Variants in DCAF5 observed in about 807,000 individuals in gnomAD.
The protein encoded by DCAF5 is DDB1 and CUL4 associated factor 5, also known as DDB1- and CUL4-associated factor 5.
A neutral mutation model predicts 80.7 loss-of-function variants in DCAF5; 9 were observed. The ratio of observed to expected loss-of-function variants is 0.11; its 90% CI spans 0.07 to 0.19. The LOEUF is 0.19. Ranked by LOEUF, DCAF5 falls within the 10% of genes least tolerant of loss-of-function variation. DCAF5 has a pLI of 1.00. For synonymous variants in DCAF5, 433 were observed against 461.9 expected (o/e 0.94, Z 0.80); for missense variants, 842 against 1,205.7 (o/e 0.70, Z 4.47).
chr14:69,086,717 T>C (rs1016368749), intron 6 of DCAF5, among the ~76,000 whole-genome samples: 4 of 151,700 alleles, frequency 2.6e-5, no homozygotes, highest in Non-Finnish European at 5.9e-5. Context: ...TATACCCATA[T>C]AGTGTCAACC....
At chr14:69,148,066 T>C (rs1595073567) in intron 1 of DCAF5, among the ~76,000 whole-genome samples, 1 of 131,626 alleles carries the variant, frequency 7.6e-6, no homozygotes, top group Non-Finnish European at 1.5e-5. Context: ...TGATTGGTCA[T>C]CCAATCAGAG....
chr14:69,130,942 A>G (rs1258590897), intron 1 of DCAF5, among the ~76,000 whole-genome samples: 2 of 152,230 alleles, frequency 1.3e-5, no homozygotes, highest in African/African-American at 4.8e-5. Flanking sequence ...TGGAGAAAAT[A>G]CCAACTATTT....
chr14:69,088,095 G>A (rs1372444898), intron 6 of DCAF5, among the ~76,000 whole-genome samples: 1 of 152,182 alleles, frequency 6.6e-6, no homozygotes, highest in Non-Finnish European at 1.5e-5. Flanking sequence ...ACAGAAGCTG[G>A]CCCATTTAGA....
chr14:69,076,732 T>C (rs1045267960), intron 6 of DCAF5, among the ~76,000 whole-genome samples: 2 of 152,222 alleles, frequency 1.3e-5, no homozygotes, highest in African/African-American at 2.4e-5. Context: ...TGATTGTACT[T>C]AATGCCACTG....
rs1344952325 is a variant in DCAF5, at chr14:69,152,461, G to A, written c.214+304C>T. On this transcript the variant is annotated intron_variant, in intron 1 of 8. Transcript: ENST00000341516. This position sits in a 1 kb window ranked among gnomAD's most constrained non-coding sequence, Gnocchi z 4.1. ...AGTTTGCCGTCAAACTTTGTAGAGCGGTAACCTCGCCCCCCTCCCCGACCT... is the reference window on the plus strand; with the variant it reads ...AGTTTGCCGTCAAACTTTGTAGAGCAGTAACCTCGCCCCCCTCCCCGACCT... 6.9e-6 allele frequency: 2 copies of A among 289,194 alleles called. No homozygotes were observed. The highest frequency in any genetic ancestry group is 1.3e-5 in the Non-Finnish European group (2 of 154,034). The allele number at this position is 289,194 out of a possible 1,614,324, so 17.9% of individuals were successfully genotyped here.
chr14:69,084,146 C>G (rs576411235), intron 6 of DCAF5: 87 of 861,092 alleles, frequency 1.0e-4, no homozygotes, highest in South Asian at 7.4e-4. Flanking sequence ...GGTCCTTATT[C>G]TCTCACCTAC....
intron 1 of DCAF5, among the ~76,000 whole-genome samples, chr14:69,130,186 C>CCAGCCAAGCA (rs1356316805): frequency 3.3e-5 from 5 of 152,272 alleles, no homozygotes; most frequent in African/African-American, 1.2e-4. Flanking sequence ...TCCTCAAAAG[C>CCAGCCAAGCA]CAGCCAAGCA....
At chr14:69,142,952 G>A (rs185960271) in intron 1 of DCAF5, among the ~76,000 whole-genome samples, 111 of 152,328 alleles carry the variant, frequency 7.3e-4, no homozygotes, top group Non-Finnish European at 4.3e-4. Flanking sequence ...GACTAAAGTA[G>A]GGAGTTAAAC....
chr14:69,112,582 G>A (rs1189579771), intron 5 of DCAF5, among the ~76,000 whole-genome samples: 3 of 114,466 alleles, frequency 2.6e-5, no homozygotes, highest in African/African-American at 1.2e-4. Context: ...GGGGAAGGAT[G>A]ATATATATGT....
intron 1 of DCAF5, among the ~76,000 whole-genome samples, chr14:69,139,839 AAG>A (rs2041308912): frequency 6.6e-6 from 1 of 150,996 alleles, no homozygotes; most frequent in African/African-American, 2.4e-5. Context: ...AAAAAAAAAA[AAG>A]AAAGAAAAGG....
intron 1 of DCAF5, among the ~76,000 whole-genome samples, chr14:69,143,014 A>G (rs1284911341): frequency 6.6e-6 from 1 of 152,186 alleles, no homozygotes. Context: ...AGTGTGAGGA[A>G]GAAGGAGACT....
rs1007363519 is a variant in DCAF5 at position 69,051,784 on chromosome 14, T to C, written c.*2073A>G. On this transcript the variant is annotated 3_prime_UTR_variant, in exon 9 of 9. Coordinates refer to ENST00000341516, the MANE Select transcript of DCAF5 (RefSeq NM_003861.3). ...TAAGTACTTATTAAAATAAAATAAA[T>C]AGAATAGAATAAAATAAAGGACTGG... 1.5e-4 allele frequency: 23 copies of C among 152,232 alleles called. No homozygotes were observed. The highest frequency in any genetic ancestry group is 5.6e-4 in the African/African-American group (23 of 41,302). 9.4% of individuals were successfully genotyped at this position (152,232 alleles called of 1,614,324 possible).
At position 69,051,626 on chromosome 14, in the gene DCAF5, G is replaced by C. The variant is rs767266756; in HGVS notation, c.*2231C>G. 5.9e-5 allele frequency: 9 copies of C among 152,282 alleles called. No individual in the cohort carries two copies. In the South Asian group the frequency reaches 8.3e-4, roughly 14 times the overall value. 9.4% of individuals were successfully genotyped at this position (152,282 alleles called of 1,614,324 possible). ...TTTTGAGTACCCAAATGAGATTAAGGCTTTTAACATGAAAAGACCAAGTTC... is the reference window on the plus strand; with the variant it reads ...TTTTGAGTACCCAAATGAGATTAAGCCTTTTAACATGAAAAGACCAAGTTC... On this transcript the variant is annotated 3_prime_UTR_variant, in exon 9 of 9. Transcript: ENST00000341516.
intron 1 of DCAF5, among the ~76,000 whole-genome samples, chr14:69,142,932 C>T (rs1246440313): frequency 6.6e-6 from 1 of 152,188 alleles, no homozygotes; most frequent in East Asian, 1.9e-4. Flanking sequence ...AGTATACCTA[C>T]TCCTAATCAG....
chr14:69,131,720 T>C (rs1380914581), intron 1 of DCAF5, among the ~76,000 whole-genome samples: 1 of 151,730 alleles, frequency 6.6e-6, no homozygotes, highest in East Asian at 1.9e-4. Context: ...ATGAGGAATG[T>C]TCTGGAGCTT....
chr14:69,075,838 C>A (rs1336713006), intron 6 of DCAF5, among the ~76,000 whole-genome samples: 2 of 152,012 alleles, frequency 1.3e-5, no homozygotes, highest in Non-Finnish European at 2.9e-5. Flanking sequence ...TTTAAATAAA[C>A]AAGATAAATG....
rs2040610648 is a variant in DCAF5, at chr14:69,118,569, T to G, written c.396-291A>C. On this transcript the variant is annotated intron_variant, in intron 3 of 8. Coordinates refer to ENST00000341516, the MANE Select transcript of DCAF5 (RefSeq NM_003861.3). This position sits in a 1 kb window ranked among gnomAD's most constrained non-coding sequence, Gnocchi z 4.0. The stretch of plus-strand genomic sequence containing the variant: ...ATTTTCATTTATTACAGAATGCATC[T>G]GCTTGTGTACAGATTTGGGGGTCAT... 6.6e-6 allele frequency among the ~76,000 whole-genome samples: 1 copy of G among 152,196 alleles called. No homozygotes were observed. The highest frequency in any genetic ancestry group is 1.5e-5 in the Non-Finnish European group (1 of 68,032).
rs1253549517 is a variant in DCAF5 at position 69,051,145 on chromosome 14, T to C, written c.*2712A>G. On this transcript the variant is annotated 3_prime_UTR_variant, in exon 9 of 9. Transcript: ENST00000341516. Reference sequence around the variant, plus strand: ...ATCATTAACAAAACCAGCTGGAAAATAGAGAGAAATGATTTTACATATCTG... The same window carrying C: ...ATCATTAACAAAACCAGCTGGAAAACAGAGAGAAATGATTTTACATATCTG... The C allele has an allele frequency of 1.3e-5, 2 of 152,332 alleles. No individual in the cohort carries two copies. The highest frequency in any genetic ancestry group is 4.8e-5 in the African/African-American group (2 of 41,332). 9.4% of individuals were successfully genotyped at this position (152,332 alleles called of 1,614,324 possible).
In DCAF5 at chr14:69,091,677, G is replaced by T; in HGVS notation, c.876C>A (p.Asp292Glu). Reference protein sequence around the residue: ...MKSCCFAGDRDQYILSGSDDF... With the variant: ...MKSCCFAGDREQYILSGSDDF... ...GCAGGAGGCAGACAGCATTTACCTG[G>T]TCACGATCTCCTGCAAAACAGCAGC... Residue 292 changes from aspartate (D) to glutamate (E), a missense_variant, in exon 6 of 9, where the codon GAC becomes GAA. Asp to Glu is a conservative substitution (Grantham distance 45). Around this residue, in one of 5 missense-constraint regions of DCAF5, gnomAD observed 65 missense variants for 191.3 expected, o/e 0.34. Coordinates refer to ENST00000341516, the MANE Select transcript of DCAF5 (RefSeq NM_003861.3). The T allele has an allele frequency of 6.2e-7, 1 of 1,613,858 alleles. No individual in the cohort carries two copies. Among genetic ancestry groups the T allele is most frequent in the South Asian group, 1.1e-5 (1 of 91,078 alleles).
Sources: gnomAD v4.1 joint callset for allele counts (sites outside exome capture counted in the v4.1 genomes callset) on GRCh38, gnomAD v4.1.1 for gene constraint, gnomAD v4.1.1 regional missense constraint, Gnocchi (gnomAD v3.1) non-coding constraint, MANE v1.5 for transcripts, NCBI Gene and HGNC (gene_info 2026-07-23, HGNC 2026-07-21) for gene names.